PARD3: variants seen among roughly 807,000 people sequenced by gnomAD.
The protein encoded by PARD3 is par-3 family cell polarity regulator.
In PARD3, 75 loss-of-function variants were observed where a neutral mutation model predicts 155.4. The ratio of observed to expected loss-of-function variants is 0.48; its 90% confidence interval spans 0.40 to 0.58. The LOEUF (loss-of-function observed/expected upper bound fraction) is 0.58, where lower values mean the gene tolerates loss of function less well. Among genes scored for constraint, PARD3 ranks in the 20% least tolerant of loss-of-function variants. PARD3 has a pLI of 0.00. For synonymous variants in PARD3, 576 were observed against 610.5 expected (o/e 0.94, Z 0.83); for missense variants, 1,642 against 1,721.7 (o/e 0.95, Z 0.82).
chr10:34,172,806 A>G (rs941239150), intron 22 of PARD3, among the ~76,000 whole-genome samples: 1 of 152,176 alleles, frequency 6.6e-6, no homozygotes, highest in African/African-American at 2.4e-5. Context: ...TGGGAGTTAA[A>G]ATATCCTGCT....
intron 5 of PARD3, among the ~76,000 whole-genome samples, chr10:34,428,031 C>A (rs1170230018): frequency 6.6e-6 from 1 of 152,074 alleles, no homozygotes; most frequent in Admixed American, 6.5e-5. Context: ...AAGGCTCTTG[C>A]AAGGTGAGCA....
chr10:34,356,688 C>T (rs1468911017), intron 14 of PARD3, among the ~76,000 whole-genome samples: 1 of 152,124 alleles, frequency 6.6e-6, no homozygotes, highest in Non-Finnish European at 1.5e-5. Flanking sequence ...TTACACATAC[C>T]CTCCCAGTGT....
At chr10:34,361,192 T>C (rs7099164) in intron 12 of PARD3, among the ~76,000 whole-genome samples, 85,340 of 152,064 alleles carry the variant, frequency 0.56, 26,370 homozygotes, top group African/African-American at 0.84. Context: ...AAGGCTAGGA[T>C]GCTTGTTCAA....
chr10:34,236,785 C>T (rs975905497), intron 22 of PARD3, among the ~76,000 whole-genome samples: 4 of 152,142 alleles, frequency 2.6e-5, no homozygotes, highest in East Asian at 1.9e-4. Context: ...TCTCTTAGCA[C>T]CAATCAAGTC....
intron 3 of PARD3, among the ~76,000 whole-genome samples, chr10:34,499,949 T>C (rs1359076267): frequency 6.6e-6 from 1 of 152,246 alleles, no homozygotes; most frequent in Non-Finnish European, 1.5e-5. Context: ...ATGTAACTGC[T>C]ATGTAAATAG....
At chr10:34,135,121 T>G (rs538383541) in intron 22 of PARD3, among the ~76,000 whole-genome samples, 152 of 152,078 alleles carry the variant, frequency 1.0e-3, no homozygotes, top group Middle Eastern at 6.8e-3. Flanking sequence ...ATAAAACCCT[T>G]AATGAAGAGT....
chr10:34,648,693 G>C (rs567570967), intron 2 of PARD3, among the ~76,000 whole-genome samples: 129 of 152,306 alleles, frequency 8.5e-4, no homozygotes, highest in African/African-American at 2.9e-3. Flanking sequence ...ACCTCCTGCT[G>C]TGCAGCCTGG....
intron 3 of PARD3, among the ~76,000 whole-genome samples, chr10:34,470,883 T>A (rs1306324310): frequency 2.0e-5 from 3 of 152,176 alleles, no homozygotes; most frequent in African/African-American, 7.2e-5. Context: ...TTGAAATGTT[T>A]CCAATACAAA....
At chr10:34,181,111 C>T (rs1168923242) in intron 22 of PARD3, among the ~76,000 whole-genome samples, 5 of 152,212 alleles carry the variant, frequency 3.3e-5, no homozygotes, top group Admixed American at 6.5e-5. Context: ...ACAACTGACA[C>T]ACTATACCTG....
At chr10:34,146,167 G>A (rs1017660250) in intron 22 of PARD3, among the ~76,000 whole-genome samples, 2 of 152,128 alleles carry the variant, frequency 1.3e-5, no homozygotes, top group African/African-American at 4.8e-5. Context: ...AGGAAAAGAG[G>A]AAGAAATAGC....
chr10:34,799,481 C>CT (rs1207317008), intron 1 of PARD3, among the ~76,000 whole-genome samples: 1 of 152,160 alleles, frequency 6.6e-6, no homozygotes, highest in African/African-American at 2.4e-5. Context: ...AGCCATGCAC[C>CT]TTTTTTACCC....
intron 6 of PARD3, among the ~76,000 whole-genome samples, chr10:34,400,188 G>A (rs1843734776): frequency 6.6e-6 from 1 of 152,164 alleles, no homozygotes; most frequent in Admixed American, 6.5e-5. Context: ...TGTTGCTCAG[G>A]CTGGCCTAGA....
intron 22 of PARD3, among the ~76,000 whole-genome samples, chr10:34,209,067 T>C (rs1225904587): frequency 1.3e-5 from 2 of 152,198 alleles, no homozygotes; most frequent in Non-Finnish European, 2.9e-5. Flanking sequence ...ATATTCTGAC[T>C]AGGAATAAAA....
intron 22 of PARD3, among the ~76,000 whole-genome samples, chr10:34,195,915 G>A (rs1482669126): frequency 6.6e-6 from 1 of 152,164 alleles, no homozygotes; most frequent in Non-Finnish European, 1.5e-5. Flanking sequence ...GGATAACAGT[G>A]GTAACTCACA....
intron 22 of PARD3, among the ~76,000 whole-genome samples, chr10:34,243,262 C>T (rs1409897635): frequency 6.6e-6 from 1 of 152,090 alleles, no homozygotes; most frequent in African/African-American, 2.4e-5. Flanking sequence ...CCACCTGATG[C>T]CCACATTCAA....
intron 2 of PARD3, among the ~76,000 whole-genome samples, chr10:34,688,083 G>A (rs143814580): frequency 5.7e-4 from 86 of 152,008 alleles, no homozygotes; most frequent in Admixed American, 2.1e-3. Flanking sequence ...AAACTTCTGG[G>A]CTCAAGTGAT....
intron 2 of PARD3, among the ~76,000 whole-genome samples, chr10:34,629,781 GC>G (rs2092167580): frequency 6.6e-6 from 1 of 152,152 alleles, no homozygotes; most frequent in Admixed American, 6.5e-5. Flanking sequence ...AAGACCCGCA[GC>G]TTTTATTAGG....
chr10:34,117,909 T>C (rs1946774376), intron 24 of PARD3, among the ~76,000 whole-genome samples: 1 of 152,130 alleles, frequency 6.6e-6, no homozygotes, highest in African/African-American at 2.4e-5. Context: ...AGACTCTGTC[T>C]CAAAAAATTT....
intron 1 of PARD3, among the ~76,000 whole-genome samples, chr10:34,790,432 T>C (rs1841491786): frequency 6.6e-6 from 1 of 152,146 alleles, no homozygotes; most frequent in Non-Finnish European, 1.5e-5. Flanking sequence ...TGACAGAGAA[T>C]GGAAACTTAG....
Sources: allele counts gnomAD v4.1 joint callset (sites outside exome capture counted in the v4.1 genomes callset), GRCh38; gene constraint gnomAD v4.1.1; transcripts MANE v1.5; gene names NCBI Gene and HGNC (gene_info 2026-07-23, HGNC 2026-07-21).